The following PPARGC1B variants were observed in gnomAD, a reference collection of about 807,000 sequenced individuals.
PPARGC1B encodes the protein PPARG coactivator 1 beta, also known as peroxisome proliferator-activated receptor gamma coactivator 1-beta.
In PPARGC1B, 34 loss-of-function variants were observed where a neutral mutation model predicts 101.6. The observed-to-expected ratio is 0.33, with a 90% confidence interval of 0.25 to 0.45. The LOEUF (loss-of-function observed/expected upper bound fraction) is 0.45. Among genes scored for constraint, PPARGC1B ranks in the 20% least tolerant of loss-of-function variants. The pLI, the probability that PPARGC1B is intolerant of heterozygous loss-of-function variation, is 1.00. For synonymous variants in PPARGC1B, 548 were observed against 539.3 expected (o/e 1.02, Z -0.22); for missense variants, 1,234 against 1,317.6 (o/e 0.94, Z 0.98).
chr5:149,852,958 G>C lies in PPARGC1B; in HGVS notation c.*5400G>C, dbSNP rs951967676. The C allele has an allele frequency of 2.0e-5, 3 of 152,110 alleles. No individual in the cohort carries two copies. The highest frequency in any genetic ancestry group is 7.2e-5 in the African/African-American group (3 of 41,414). The allele number at this position is 152,110 out of a possible 1,614,324, so 9.4% of individuals were successfully genotyped here. A position where few individuals can be genotyped will look rare whatever the true frequency, so the allele number is the denominator to read the frequency against. On this transcript the variant is annotated 3_prime_UTR_variant, in exon 12 of 12. Transcript: ENST00000309241. ...CCGGAAGGAGTACAAAAATCCAACT[G>C]CCCAAATTTGGGGCTTGGAAAATAG...
chr5:149,735,598 A>G (rs1305925566), intron 1 of PPARGC1B, among the ~76,000 whole-genome samples: 3 of 152,206 alleles, frequency 2.0e-5, no homozygotes, highest in Non-Finnish European at 2.9e-5. Flanking sequence ...ATTCTCATAG[A>G]TATTGTGCAA....
chr5:149,778,342 G>C (rs984245348), intron 1 of PPARGC1B, among the ~76,000 whole-genome samples: 1 of 151,976 alleles, frequency 6.6e-6, no homozygotes, highest in Non-Finnish European at 1.5e-5. Context: ...ACTCCGTGAT[G>C]GGAGAAGAGG....
Position 149,730,859 on chromosome 5 carries a change from A to T in PPARGC1B, c.78+439A>T, listed in dbSNP as rs1754429985. On this transcript the variant is annotated intron_variant, in intron 1 of 11. Transcript: ENST00000309241. The surrounding 1 kb of genome is among the most constrained non-coding windows in gnomAD (Gnocchi z 4.0). ...CACGGGTGCATGCCCGGGTCTCCGG[A>T]GTCCCCTAGTCCTCCAGGCTGTAGT... Among the ~76,000 whole-genome samples, 1 of 152,150 alleles carries T rather than the reference A, an allele frequency of 6.6e-6. No individual in the cohort carries two copies. The highest frequency in any genetic ancestry group is 2.4e-5 in the African/African-American group (1 of 41,460).
intron 1 of PPARGC1B, among the ~76,000 whole-genome samples, chr5:149,748,171 G>A (rs1755154943): frequency 6.6e-6 from 1 of 152,174 alleles, no homozygotes; most frequent in South Asian, 2.1e-4. Flanking sequence ...CGAGAACAGT[G>A]AAGAACAGAG....
At chr5:149,825,381 C>T (rs1758477549) in intron 2 of PPARGC1B, among the ~76,000 whole-genome samples, 1 of 152,228 alleles carries the variant, frequency 6.6e-6, no homozygotes, top group East Asian at 1.9e-4. Context: ...GTGAGGCCTC[C>T]CTGAGCCTGA....
At chr5:149,790,090 A>G (rs1756957138) in intron 1 of PPARGC1B, among the ~76,000 whole-genome samples, 1 of 152,150 alleles carries the variant, frequency 6.6e-6, no homozygotes, top group East Asian at 1.9e-4. Flanking sequence ...TTGTCTATAA[A>G]TAGAGATGAT....
intron 9 of PPARGC1B, among the ~76,000 whole-genome samples, chr5:149,841,394 T>C (rs1759329630): frequency 6.6e-6 from 1 of 152,154 alleles, no homozygotes; most frequent in South Asian, 2.1e-4. Flanking sequence ...TGTTGTGGGA[T>C]GTACAGTTCC....
rs1006347769 is a variant in PPARGC1B, at chr5:149,847,921, G to A, written c.*363G>A. 7.8e-6 allele frequency: 2 copies of A among 256,476 alleles called. No homozygotes were observed. The highest frequency in any genetic ancestry group is 4.3e-5 in the African/African-American group (2 of 45,996). 15.9% of individuals were successfully genotyped at this position (256,476 alleles called of 1,614,324 possible). Reference sequence around the variant, plus strand: ...GTGTTCACCATAACATTTCTTGTCTGTAGTGTGTGATGATGAAATTGTTAC... The same window carrying A: ...GTGTTCACCATAACATTTCTTGTCTATAGTGTGTGATGATGAAATTGTTAC... On this transcript the variant is annotated 3_prime_UTR_variant, in exon 12 of 12. Coordinates refer to ENST00000309241, the MANE Select transcript of PPARGC1B (RefSeq NM_133263.4).
chr5:149,791,861 A>G (rs545074034), intron 1 of PPARGC1B, among the ~76,000 whole-genome samples: 14 of 152,322 alleles, frequency 9.2e-5, no homozygotes, highest in African/African-American at 3.4e-4. Flanking sequence ...TTTCCGTTTA[A>G]ATATAAAAGG....
intron 1 of PPARGC1B, among the ~76,000 whole-genome samples, chr5:149,794,508 T>G (rs1429418566): frequency 7.5e-6 from 1 of 133,236 alleles, no homozygotes; most frequent in Admixed American, 8.3e-5. Flanking sequence ...ATGCATACGC[T>G]CATGTATGTG....
Position 149,851,845 on chromosome 5 carries a change from C to G in PPARGC1B, c.*4287C>G, listed in dbSNP as rs1759778020. 1 of 152,222 alleles carries G rather than the reference C, an allele frequency of 6.6e-6. No homozygotes were observed. The highest frequency in any genetic ancestry group is 2.1e-4 in the South Asian group (1 of 4,834). 9.4% of individuals were successfully genotyped at this position (152,222 alleles called of 1,614,324 possible). A position where few individuals can be genotyped will look rare whatever the true frequency, so the allele number is the denominator to read the frequency against. On this transcript the variant is annotated 3_prime_UTR_variant, in exon 12 of 12. Transcript: ENST00000309241. ...TGGGATGGGGGAGGCCCTGAGCCGGCTACAAGACACCCAGGAAGTAGGCAA... is the reference window on the plus strand; with the variant it reads ...TGGGATGGGGGAGGCCCTGAGCCGGGTACAAGACACCCAGGAAGTAGGCAA...
intron 1 of PPARGC1B, among the ~76,000 whole-genome samples, chr5:149,812,031 G>GACC (rs1757884394): frequency 1.3e-5 from 2 of 152,236 alleles, no homozygotes; most frequent in Non-Finnish European, 2.9e-5. Flanking sequence ...TCCAAGCCCT[G>GACC]ACCAGGTACC....
chr5:149,771,067 C>T lies in PPARGC1B; in HGVS notation c.78+40647C>T, dbSNP rs1756111755. Among the ~76,000 whole-genome samples, 2 of 152,134 alleles carry T rather than the reference C, an allele frequency of 1.3e-5. 1 individual carries two copies. Among genetic ancestry groups the T allele is most frequent in the South Asian group, 4.1e-4 (2 of 4,820 alleles). On this transcript the variant is annotated intron_variant, in intron 1 of 11. Transcript: ENST00000309241. Reference sequence around the variant, plus strand: ...ATCTCCAAACTTCATGTTCTAGAACCTTGAAGGAATTGGGTGGCTGGTTTG... The same window carrying T: ...ATCTCCAAACTTCATGTTCTAGAACTTTGAAGGAATTGGGTGGCTGGTTTG...
In PPARGC1B at chr5:149,799,690, G is replaced by GTTTTTTTTTTTTT. The variant is rs369350284; in HGVS notation, c.79-20741_79-20740insTTTTTTTTTTTTT. The stretch of plus-strand genomic sequence containing the variant: ...TTTTTTGTTTGTTTGTTTGCTTGTT[G>GTTTTTTTTTTTTT]TTGTTTTTTTTTTTTTTTTTTTTTG... On this transcript the variant is annotated intron_variant, in intron 1 of 11. Coordinates refer to ENST00000309241, the MANE Select transcript of PPARGC1B (RefSeq NM_133263.4). Among the ~76,000 whole-genome samples the GTTTTTTTTTTTTT allele has an allele frequency of 2.6e-3, 166 of 65,008 alleles. 10 individuals are homozygous for GTTTTTTTTTTTTT. The highest frequency in any genetic ancestry group is 5.1e-3 in the African/African-American group (96 of 18,698). The allele number at this position is 65,008 out of a possible 152,430, so 42.6% of individuals were successfully genotyped here. A position where few individuals can be genotyped will look rare whatever the true frequency, so the allele number is the denominator to read the frequency against.
chr5:149,842,462 A>G, intron 10 of PPARGC1B, 85 bp downstream of exon 10: 1 of 1,557,332 alleles, frequency 6.4e-7, no homozygotes, highest in Non-Finnish European at 8.8e-7. Context: ...AAGATGCCCA[A>G]GATTTGTGAA....
chr5:149,818,746 A>G, intron 1 of PPARGC1B: 1 of 443,920 alleles, frequency 2.3e-6, no homozygotes, highest in Admixed American at 2.4e-5. Flanking sequence ...CCATTGTTTT[A>G]TCATTATTAT....
chr5:149,852,271 G>A lies in PPARGC1B; in HGVS notation c.*4713G>A, dbSNP rs573106552. The A allele has an allele frequency of 1.6e-4, 25 of 152,322 alleles. No homozygotes were observed. The highest frequency in any genetic ancestry group is 5.3e-4 in the African/African-American group (22 of 41,560). The allele number at this position is 152,322 out of a possible 1,614,324, so 9.4% of individuals were successfully genotyped here. On this transcript the variant is annotated 3_prime_UTR_variant, in exon 12 of 12. Coordinates refer to ENST00000309241, the MANE Select transcript of PPARGC1B (RefSeq NM_133263.4). ...CCCTAATGTTTCTTACTTGCTATGTGACCTTGGGCCCCTGTTTCCTCATCT... is the reference window on the plus strand; with the variant it reads ...CCCTAATGTTTCTTACTTGCTATGTAACCTTGGGCCCCTGTTTCCTCATCT...
At chr5:149,780,973 G>T (rs927764071) in intron 1 of PPARGC1B, among the ~76,000 whole-genome samples, 4 of 152,214 alleles carry the variant, frequency 2.6e-5, no homozygotes, top group Admixed American at 2.0e-4. Context: ...GGAGGCCAAG[G>T]CGGGGGAATC....
At position 149,837,563 on chromosome 5, in the gene PPARGC1B, G is replaced by C. The variant is rs941605332; in HGVS notation, c.2618+490G>C. Among the ~76,000 whole-genome samples, 6 of 152,230 alleles carry C rather than the reference G, an allele frequency of 3.9e-5. No individual in the cohort carries two copies. In the South Asian group the frequency reaches 1.2e-3, roughly 31 times the overall value. On this transcript the variant is annotated intron_variant, in intron 8 of 11. Coordinates refer to ENST00000309241, the MANE Select transcript of PPARGC1B (RefSeq NM_133263.4). This position sits in a 1 kb window ranked among gnomAD's most constrained non-coding sequence, Gnocchi z 4.2. ...ATTGATAAGGTTTCTGGGTCATGCT[G>C]AGTTGTGCTGTGGCTTTCACCAGTT...
Sources: allele counts gnomAD v4.1 joint callset (sites outside exome capture counted in the v4.1 genomes callset), GRCh38; gene constraint gnomAD v4.1.1; non-coding constraint Gnocchi (gnomAD v3.1); transcripts MANE v1.5; gene names NCBI Gene and HGNC (gene_info 2026-07-23, HGNC 2026-07-21).